The following GAB4 variants were observed in gnomAD, a reference collection of about 807,000 sequenced individuals.
GAB4 encodes the protein GRB2-associated-binding protein 4.
A neutral mutation model predicts 51.3 loss-of-function variants in GAB4; 26 were observed. That is an observed-to-expected ratio of 0.51 (90% CI 0.37 to 0.70). GAB4 has a LOEUF of 0.70. Among genes scored for constraint, GAB4 ranks in the 30% least tolerant of loss-of-function variants. GAB4 has a pLI of 0.00. For missense variants in GAB4, 759 were observed against 734.6 expected (o/e 1.03, Z -0.38); for synonymous variants, 329 against 291.2 (o/e 1.13, Z -1.32).
At chr22:16,976,948 T>C (rs1222428558) in intron 3 of GAB4, among the ~76,000 whole-genome samples, 5 of 152,180 alleles carry the variant, frequency 3.3e-5, no homozygotes, top group Non-Finnish European at 7.4e-5. Flanking sequence ...AGAAATAAAT[T>C]TCTTTACAGA....
intron 2 of GAB4, among the ~76,000 whole-genome samples, chr22:16,990,272 A>G (rs1170429603): frequency 1.3e-5 from 2 of 152,226 alleles, no homozygotes; most frequent in African/African-American, 4.8e-5. Context: ...ATGGAATTCT[A>G]GTAAAATACC....
intron 3 of GAB4, 151 bp from the exon 4 acceptor site, chr22:16,970,344 T>C: frequency 1.2e-6 from 1 of 816,258 alleles, no homozygotes; most frequent in Non-Finnish European, 1.9e-6. Context: ...TTTGTCTAGT[T>C]TGGGAGTTTA....
At chr22:16,975,866 T>A (rs2060773240) in intron 3 of GAB4, among the ~76,000 whole-genome samples, 2 of 152,082 alleles carry the variant, frequency 1.3e-5, no homozygotes, top group African/African-American at 2.4e-5. Context: ...ACTCCACTGG[T>A]GATATCTGCC....
intron 1 of GAB4, among the ~76,000 whole-genome samples, chr22:17,004,068 T>C (rs116582223): frequency 0.016 from 2,503 of 152,148 alleles, 70 homozygotes; most frequent in African/African-American, 0.057. Context: ...AACTAGGAAA[T>C]TCATAAGAAA....
At chr22:17,002,691 G>C (rs1293551313) in intron 1 of GAB4, among the ~76,000 whole-genome samples, 2 of 152,128 alleles carry the variant, frequency 1.3e-5, no homozygotes, top group South Asian at 2.1e-4. Context: ...GGGGGCGAGG[G>C]GGGAGGGATA....
At chr22:16,969,575 C>T in intron 4 of GAB4, 2 of 496,716 alleles carry the variant, frequency 4.0e-6, no homozygotes, top group South Asian at 4.6e-5. Context: ...GTGCCACCTC[C>T]CCTCTCCCTC....
intron 4 of GAB4, 155 bp downstream of exon 4, chr22:16,969,787 TG>T: frequency 1.1e-6 from 1 of 910,740 alleles, no homozygotes; most frequent in Non-Finnish European, 1.7e-6. Context: ...GGCCCAGGAG[TG>T]GCCACCACCA....
chr22:16,969,625 G>T, intron 4 of GAB4: 1 of 621,618 alleles, frequency 1.6e-6, no homozygotes. Context: ...TGGTGACATC[G>T]GCTGTTGTCT....
chr22:17,006,765 C>A (rs539007229), intron 1 of GAB4, among the ~76,000 whole-genome samples: 1 of 152,104 alleles, frequency 6.6e-6, no homozygotes, highest in African/African-American at 2.4e-5. Context: ...AACAGAAAAC[C>A]AAACACCGCC....
At chr22:16,980,976 G>A (rs1173999804) in intron 3 of GAB4, among the ~76,000 whole-genome samples, 1 of 152,042 alleles carries the variant, frequency 6.6e-6, no homozygotes, top group Non-Finnish European at 1.5e-5. Flanking sequence ...ATGGACACAG[G>A]GAGGGAAACA....
chr22:16,966,049 G>A (rs773535333), intron 6 of GAB4, 51 bp downstream of exon 6: 19 of 1,561,984 alleles, frequency 1.2e-5, no homozygotes, highest in Admixed American at 3.4e-5. Flanking sequence ...ACACCTAAGC[G>A]AATGCAGAGT....
Position 16,970,046 on chromosome 22 carries a change from C to G in GAB4, c.834G>C (p.Gln278His). The change falls in exon 4 of 10, where the codon CAG becomes CAC. Residue 278 changes from glutamine (Q) to histidine (H), a missense_variant. Transcript: ENST00000400588. ...TGCTGCCTCTGAATTCTGCATTGTG[C>G]TGGCTGGGCTTGGAAAGGCTATGGA... is the stretch of plus-strand genomic sequence containing the variant. The part of the protein sequence containing the change: ...HGFHSLSKPS[Q>H]HNAEFRGSTH... The G allele has an allele frequency of 6.2e-7, 1 of 1,614,162 alleles. No individual in the cohort carries two copies. The highest frequency in any genetic ancestry group is 8.5e-7 in the Non-Finnish European group (1 of 1,180,028).
At chr22:16,999,322 G>C (rs1275139678) in intron 1 of GAB4, among the ~76,000 whole-genome samples, 2 of 152,202 alleles carry the variant, frequency 1.3e-5, no homozygotes, top group Non-Finnish European at 2.9e-5. Flanking sequence ...TTCAGAACCT[G>C]TTATTGGTCT....
intron 4 of GAB4, among the ~76,000 whole-genome samples, chr22:16,969,169 TCAAA>T (rs774987523): frequency 6.6e-6 from 1 of 152,240 alleles, no homozygotes; most frequent in Non-Finnish European, 1.5e-5. Flanking sequence ...AGTTTAGGCT[TCAAA>T]CAAAGAGACC....
chr22:17,007,342 G>T (rs189258608), intron 1 of GAB4, among the ~76,000 whole-genome samples: 1 of 152,188 alleles, frequency 6.6e-6, no homozygotes, highest in African/African-American at 2.4e-5. Context: ...AAACTACACT[G>T]CAGTGCACAC....
chr22:16,990,189 C>G (rs549237558), intron 2 of GAB4, among the ~76,000 whole-genome samples: 26 of 152,324 alleles, frequency 1.7e-4, no homozygotes, highest in African/African-American at 6.3e-4. Flanking sequence ...ACAAAGCACT[C>G]TCTCTCTTTC....
intron 3 of GAB4, among the ~76,000 whole-genome samples, chr22:16,974,592 A>G (rs1388385727): frequency 6.6e-6 from 1 of 152,214 alleles, no homozygotes; most frequent in Non-Finnish European, 1.5e-5. Flanking sequence ...TTTGGTGTCA[A>G]TATCAACCCA....
At chr22:16,975,157 G>A (rs188430927) in intron 3 of GAB4, among the ~76,000 whole-genome samples, 44 of 152,304 alleles carry the variant, frequency 2.9e-4, no homozygotes, top group Middle Eastern at 3.4e-3. Context: ...CAGAGTGACA[G>A]AACTGTTCAT....
At chr22:16,977,965 TAA>T (rs2060793374) in intron 3 of GAB4, among the ~76,000 whole-genome samples, 1 of 144,666 alleles carries the variant, frequency 6.9e-6, no homozygotes, top group African/African-American at 2.6e-5. Flanking sequence ...CAGAAATAAA[TAA>T]GTTATTTGAA....
Sources: allele counts gnomAD v4.1 joint callset (sites outside exome capture counted in the v4.1 genomes callset), GRCh38; gene constraint gnomAD v4.1.1; transcripts MANE v1.5; gene names NCBI Gene and HGNC (gene_info 2026-07-23, HGNC 2026-07-21).